C1QTNF3: variants seen among roughly 807,000 people sequenced by gnomAD.
C1QTNF3 encodes complement C1q tumor necrosis factor-related protein 3.
In C1QTNF3, 26 loss-of-function variants were observed where a neutral mutation model predicts 32.6. The observed-to-expected ratio is 0.80, with a 90% CI of 0.58 to 1.11. C1QTNF3 has a LOEUF of 1.11. Among genes scored for constraint, C1QTNF3 ranks in the 50% least tolerant of loss-of-function variants. The probability of loss-of-function intolerance (pLI) is 0.00; values close to 1 mark genes in which losing one functional copy is unlikely to be tolerated. For missense variants in C1QTNF3, 362 were observed against 398.2 expected (o/e 0.91, Z 0.77); for synonymous variants, 155 against 146.0 (o/e 1.06, Z -0.44).
the C1QTNF3 span, among the ~76,000 whole-genome samples, chr5:34,236,848 T>G: frequency 6.6e-6 from 1 of 152,098 alleles, no homozygotes; most frequent in Non-Finnish European, 1.5e-5. Context: ...AGTGCTGGGA[T>G]TACAGGCATG....
chr5:34,024,550 A>T (rs299607), intron 4 of C1QTNF3: 63,668 of 153,282 alleles, frequency 0.42, 14,039 homozygotes, highest in South Asian at 0.66. Flanking sequence ...CTCATGCTAT[A>T]CCTTGTATGT....
chr5:34,111,168 T>C, the C1QTNF3 span, among the ~76,000 whole-genome samples: 9 of 152,304 alleles, frequency 5.9e-5, no homozygotes, highest in African/African-American at 2.2e-4. Context: ...GCACAGATGA[T>C]CTATAGATTC....
the C1QTNF3 span, among the ~76,000 whole-genome samples, chr5:34,101,378 A>T: frequency 1.3e-5 from 2 of 152,094 alleles, no homozygotes; most frequent in Non-Finnish European, 2.9e-5. Context: ...AAATGGGCAT[A>T]ATCTTTTCAG....
At chr5:34,074,230 A>C in the C1QTNF3 span, among the ~76,000 whole-genome samples, 5 of 152,004 alleles carry the variant, frequency 3.3e-5, no homozygotes, top group Non-Finnish European at 5.9e-5. Flanking sequence ...GAAAGATAAG[A>C]GCAGTCCCTG....
chr5:34,212,542 T>C, the C1QTNF3 span, among the ~76,000 whole-genome samples: 3 of 151,592 alleles, frequency 2.0e-5, no homozygotes, highest in African/African-American at 7.3e-5. Context: ...TACAATGAAC[T>C]CAAACAAATT....
the C1QTNF3 span, among the ~76,000 whole-genome samples, chr5:34,098,366 A>G: frequency 1.3e-5 from 2 of 151,490 alleles, no homozygotes; most frequent in Non-Finnish European, 2.9e-5. Flanking sequence ...TGATTTGGGG[A>G]ACAGCCAGTC....
the C1QTNF3 span, among the ~76,000 whole-genome samples, chr5:34,062,876 A>G: frequency 2.6e-5 from 4 of 152,164 alleles, no homozygotes; most frequent in Non-Finnish European, 4.4e-5. Context: ...TGCTTTTTTG[A>G]CTTAGAATAG....
chr5:34,139,193 T>C, the C1QTNF3 span, among the ~76,000 whole-genome samples: 1 of 151,868 alleles, frequency 6.6e-6, no homozygotes, highest in African/African-American at 2.4e-5. Context: ...TATACACATA[T>C]GCATACATAT....
the C1QTNF3 span, among the ~76,000 whole-genome samples, chr5:34,098,986 A>T: frequency 6.6e-6 from 1 of 152,228 alleles, no homozygotes; most frequent in Non-Finnish European, 1.5e-5. Flanking sequence ...TGGCAAATGT[A>T]CATGTTAACT....
intron 1 of C1QTNF3, among the ~76,000 whole-genome samples, chr5:34,039,315 A>C (rs1754814293): frequency 6.6e-6 from 1 of 152,168 alleles, no homozygotes; most frequent in African/African-American, 2.4e-5. Flanking sequence ...CTTGTCTTTC[A>C]AGTTGCCCAT....
intron 1 of C1QTNF3, among the ~76,000 whole-genome samples, chr5:34,040,773 C>G (rs1754851969): frequency 6.6e-6 from 1 of 151,972 alleles, no homozygotes; most frequent in South Asian, 2.1e-4. Flanking sequence ...GAGCTTCAGC[C>G]ACAGCCAACT....
the C1QTNF3 span, among the ~76,000 whole-genome samples, chr5:34,197,513 C>T: frequency 3.6e-4 from 54 of 152,060 alleles, no homozygotes; most frequent in Admixed American, 1.6e-3. Context: ...TATAGTTTAC[C>T]TATGATCATG....
the C1QTNF3 span, among the ~76,000 whole-genome samples, chr5:34,048,690 C>CA: frequency 4.8e-3 from 666 of 137,910 alleles, 4 homozygotes; most frequent in African/African-American, 0.013. Flanking sequence ...AACAGCAAGC[C>CA]AAAAAAAAAA....
At chr5:34,117,887 G>A in the C1QTNF3 span, among the ~76,000 whole-genome samples, 27 of 151,778 alleles carry the variant, frequency 1.8e-4, no homozygotes, top group Admixed American at 5.9e-4. Flanking sequence ...GCATTTTTAC[G>A]CTGATGGCTC....
chr5:34,023,819 A>G (rs1344121864), intron 5 of C1QTNF3, 90 bp downstream of exon 5: 2 of 942,024 alleles, frequency 2.1e-6, no homozygotes, highest in Non-Finnish European at 1.7e-6. Context: ...GTCAGGCTCT[A>G]TTGACTCCTA....
chr5:34,024,275 C>G (rs1199871744), intron 4 of C1QTNF3: 2 of 366,856 alleles, frequency 5.5e-6, no homozygotes, highest in South Asian at 3.0e-5. Flanking sequence ...ATCTCACTGC[C>G]TTGTACCCTG....
chr5:34,227,372 G>A, the C1QTNF3 span, among the ~76,000 whole-genome samples: 10 of 152,022 alleles, frequency 6.6e-5, no homozygotes, highest in East Asian at 1.5e-3. Context: ...TGTATGCTCT[G>A]TGTGTGCCTA....
the C1QTNF3 span, among the ~76,000 whole-genome samples, chr5:34,110,666 T>G: frequency 6.6e-6 from 1 of 152,212 alleles, no homozygotes; most frequent in Non-Finnish European, 1.5e-5. Context: ...GCTCTACCAG[T>G]GGAGAAAGTT....
chr5:34,042,735 T>C, intron 1 of C1QTNF3, 88 bp downstream of exon 1: 3 of 1,327,536 alleles, frequency 2.3e-6, no homozygotes, highest in Non-Finnish European at 3.1e-6. Context: ...ATTCTAAGAA[T>C]CTTAGCCAAA....
Sources: gnomAD v4.1 joint callset for allele counts (sites outside exome capture counted in the v4.1 genomes callset) on GRCh38, gnomAD v4.1.1 for gene constraint, MANE v1.5 for transcripts, NCBI Gene and HGNC (gene_info 2026-07-23, HGNC 2026-07-21) for gene names.